DCHS2: variants seen among roughly 807,000 people sequenced by gnomAD.
The protein encoded by DCHS2 is dachsous cadherin-related 2.
DCHS2 carries 142 observed loss-of-function variants against 182.4 expected under a neutral mutation model. The observed-to-expected ratio is 0.78, with a 90% CI of 0.68 to 0.89. DCHS2 has a LOEUF of 0.89. Ranked by LOEUF, DCHS2 falls within the 40% of genes least tolerant of loss-of-function variation. The probability of loss-of-function intolerance (pLI) is 0.00; values close to 1 mark genes in which losing one functional copy is unlikely to be tolerated. For synonymous variants in DCHS2, 1,740 were observed against 1,663.3 expected (o/e 1.05, Z -1.12); for missense variants, 4,319 against 4,198.6 (o/e 1.03, Z -0.79).
At chr4:154,345,385 G>A (rs1293147665) in intron 3 of DCHS2, among the ~76,000 whole-genome samples, 1 of 152,194 alleles carries the variant, frequency 6.6e-6, no homozygotes, top group East Asian at 1.9e-4. Context: ...ACTGGCTGCT[G>A]ACTGATGCTG....
chr4:154,430,950 C>T (rs1164355376), intron 1 of DCHS2, among the ~76,000 whole-genome samples: 1 of 152,140 alleles, frequency 6.6e-6, no homozygotes, highest in African/African-American at 2.4e-5. Context: ...CCAGCAATGC[C>T]CTATCTTAAT....
At chr4:154,259,252 T>C (rs1578871327) in intron 15 of DCHS2, among the ~76,000 whole-genome samples, 1 of 152,140 alleles carries the variant, frequency 6.6e-6, no homozygotes, top group Non-Finnish European at 1.5e-5. Context: ...TGCATACTTC[T>C]ATTGTATTAA....
At chr4:154,326,358 C>T (rs1158502906) in intron 7 of DCHS2, among the ~76,000 whole-genome samples, 1 of 152,138 alleles carries the variant, frequency 6.6e-6, no homozygotes, top group Non-Finnish European at 1.5e-5. Flanking sequence ...GTATTGGTTA[C>T]TGGACTATAA....
intron 1 of DCHS2, among the ~76,000 whole-genome samples, chr4:154,480,620 T>C (rs1455100658): frequency 3.3e-5 from 5 of 152,198 alleles, no homozygotes; most frequent in African/African-American, 7.2e-5. Flanking sequence ...TCAAAGCAAG[T>C]ATGCAATAAT....
At chr4:154,405,173 C>G (rs1204083113) in intron 1 of DCHS2, among the ~76,000 whole-genome samples, 1 of 152,116 alleles carries the variant, frequency 6.6e-6, no homozygotes, top group Non-Finnish European at 1.5e-5. Context: ...TCGCTTGAAC[C>G]TGGGAGGTTG....
chr4:154,290,679 C>T (rs1734618896), intron 13 of DCHS2, among the ~76,000 whole-genome samples: 1 of 152,040 alleles, frequency 6.6e-6, no homozygotes, highest in Admixed American at 6.6e-5. Context: ...CAAGAACATA[C>T]ACTGGAGAAA....
At position 154,405,509 on chromosome 4, in the gene DCHS2, G is replaced by T. The variant is rs143533209; in HGVS notation, c.2053-28065C>A. On this transcript the variant is annotated intron_variant, in intron 1 of 19. Transcript: ENST00000357232. Reference sequence around the variant, plus strand: ...ATTCACTCTCTTCTCCCTAAGGGATGCCAATTATATGTAAGATAGACTTCT... The same window carrying T: ...ATTCACTCTCTTCTCCCTAAGGGATTCCAATTATATGTAAGATAGACTTCT... Among the ~76,000 whole-genome samples the T allele has an allele frequency of 6.5e-3, 985 of 151,482 alleles. 9 individuals carry two copies. The highest frequency in any genetic ancestry group is 0.021 in the African/African-American group (875 of 41,374).
At chr4:154,425,974 C>A (rs988491228) in intron 1 of DCHS2, among the ~76,000 whole-genome samples, 36 of 152,222 alleles carry the variant, frequency 2.4e-4, no homozygotes, top group Admixed American at 2.4e-3. Flanking sequence ...GGAGCCCAGG[C>A]TACATGGATC....
At chr4:154,385,254 C>T (rs1731353244) in intron 1 of DCHS2, among the ~76,000 whole-genome samples, 1 of 152,218 alleles carries the variant, frequency 6.6e-6, no homozygotes, top group African/African-American at 2.4e-5. Flanking sequence ...GACATGAACT[C>T]ATCCTTTTTT....
chr4:154,468,610 C>G (rs1051484066), intron 1 of DCHS2, among the ~76,000 whole-genome samples: 1 of 152,096 alleles, frequency 6.6e-6, no homozygotes, highest in Admixed American at 6.6e-5. Flanking sequence ...CTAAATAAGA[C>G]AAGATTAGTC....
At chr4:154,268,877 G>C (rs1733426897) in intron 14 of DCHS2, among the ~76,000 whole-genome samples, 1 of 152,150 alleles carries the variant, frequency 6.6e-6, no homozygotes, top group East Asian at 1.9e-4. Context: ...AATAAGACCA[G>C]GTCTGGGCCA....
chr4:154,250,279 G>C (rs1453827020), intron 16 of DCHS2, among the ~76,000 whole-genome samples: 1 of 152,004 alleles, frequency 6.6e-6, no homozygotes, highest in Non-Finnish European at 1.5e-5. Flanking sequence ...TCTTTTTCTA[G>C]ATCTTTCTAT....
intron 1 of DCHS2, among the ~76,000 whole-genome samples, chr4:154,487,011 T>C (rs2111048123): frequency 6.6e-6 from 1 of 152,258 alleles, no homozygotes; most frequent in East Asian, 1.9e-4. Context: ...AACAATGGGA[T>C]AAACTCACAC....
At chr4:154,442,539 C>CAACA (rs1224840595) in intron 1 of DCHS2, among the ~76,000 whole-genome samples, 1 of 80,782 alleles carries the variant, frequency 1.2e-5, no homozygotes, top group Non-Finnish European at 2.7e-5. Flanking sequence ...ACCCCCCCCC[C>CAACA]CCCACACACA....
chr4:154,405,586 T>C (rs904042039), intron 1 of DCHS2, among the ~76,000 whole-genome samples: 1 of 152,280 alleles, frequency 6.6e-6, no homozygotes, highest in African/African-American at 2.4e-5. Flanking sequence ...TTAAATCTTT[T>C]TTCTTTTCAT....
At chr4:154,276,404 G>A (rs987486720) in intron 13 of DCHS2, among the ~76,000 whole-genome samples, 5 of 152,074 alleles carry the variant, frequency 3.3e-5, no homozygotes, top group Non-Finnish European at 7.4e-5. Context: ...AGCATACTTA[G>A]ATAACTATTA....
At chr4:154,424,278 G>A (rs761332115) in intron 1 of DCHS2, among the ~76,000 whole-genome samples, 21 of 152,100 alleles carry the variant, frequency 1.4e-4, no homozygotes, top group Non-Finnish European at 2.5e-4. Context: ...AGTACAATAC[G>A]TTACTAAGCT....
At chr4:154,252,246 A>G (rs1372470092) in intron 16 of DCHS2, among the ~76,000 whole-genome samples, 2 of 152,184 alleles carry the variant, frequency 1.3e-5, no homozygotes, top group Admixed American at 6.5e-5. Flanking sequence ...ACAGGCATGC[A>G]ATGTGTATCA....
At chr4:154,477,994 T>C (rs1246389893) in intron 1 of DCHS2, among the ~76,000 whole-genome samples, 1 of 152,230 alleles carries the variant, frequency 6.6e-6, no homozygotes, top group Non-Finnish European at 1.5e-5. Context: ...AATTATTCAA[T>C]TAAAATTCCA....
Sources: allele counts gnomAD v4.1 joint callset (sites outside exome capture counted in the v4.1 genomes callset), GRCh38; gene constraint gnomAD v4.1.1; transcripts MANE v1.5; gene names NCBI Gene and HGNC (gene_info 2026-07-23, HGNC 2026-07-21).